GYG1: variants seen among roughly 807,000 people sequenced by gnomAD.
GYG1 encodes glycogenin 1, also known as glycogenin-1.
In GYG1, 44 loss-of-function variants were observed where a neutral mutation model predicts 41.9. The ratio of observed to expected loss-of-function variants is 1.05; its 90% CI spans 0.83 to 1.35. GYG1 has a LOEUF of 1.35. Ranked by LOEUF, GYG1 falls within the 40% of genes most tolerant of loss-of-function variation. The pLI, the probability that GYG1 is intolerant of heterozygous loss-of-function variation, is 0.00. For synonymous variants in GYG1, 141 were observed against 158.1 expected (o/e 0.89, Z 0.81); for missense variants, 429 against 418.9 (o/e 1.02, Z -0.21).
chr3:149,019,554 C>T (rs1467156625), intron 5 of GYG1, among the ~76,000 whole-genome samples: 2 of 152,184 alleles, frequency 1.3e-5, no homozygotes, highest in Non-Finnish European at 2.9e-5. Context: ...CAAGGGATTT[C>T]TTAAAATGAA....
chr3:149,002,343 G>A (rs1360828955), intron 4 of GYG1, among the ~76,000 whole-genome samples: 1 of 152,184 alleles, frequency 6.6e-6, no homozygotes, highest in Non-Finnish European at 1.5e-5. Flanking sequence ...GTCCAGACTA[G>A]GAGGACCTGC....
intron 3 of GYG1, 75 bp from the exon 4 acceptor site, chr3:148,996,667 T>A (rs1712810949): frequency 9.9e-6 from 14 of 1,416,292 alleles, no homozygotes; most frequent in Non-Finnish European, 1.4e-5. Flanking sequence ...TTGTGTTGGA[T>A]GACATAGGAA....
intron 2 of GYG1, among the ~76,000 whole-genome samples, 169 bp from the exon 3 acceptor site, chr3:148,996,133 A>T (rs1043261083): frequency 4.6e-5 from 7 of 152,266 alleles, no homozygotes; most frequent in African/African-American, 1.7e-4. Flanking sequence ...AAATAAACAC[A>T]GTTTGTCCTG....
In GYG1 at chr3:149,028,999, G is replaced by A. The variant is rs1044421746; in HGVS notation, c.*2066G>A. Reference sequence around the variant, plus strand: ...CCCAAAGTGCTGGGATTACAGGCGTGAGCCACTGCACCCAGCAAATTTTTA... The same window carrying A: ...CCCAAAGTGCTGGGATTACAGGCGTAAGCCACTGCACCCAGCAAATTTTTA... On this transcript the variant is annotated 3_prime_UTR_variant, in exon 8 of 8. Transcript: ENST00000345003. Among the ~76,000 whole-genome samples, 3 of 152,184 alleles carry A rather than the reference G, an allele frequency of 2.0e-5. No individual in the cohort carries two copies. Among genetic ancestry groups the A allele is most frequent in the East Asian group, 3.9e-4 (2 of 5,194 alleles).
intron 1 of GYG1, among the ~76,000 whole-genome samples, chr3:148,992,138 C>G (rs1264135023): frequency 6.6e-6 from 1 of 152,258 alleles, no homozygotes; most frequent in Non-Finnish European, 1.5e-5. Context: ...CGGCCCCGGC[C>G]GCCACGCTGA....
At chr3:149,026,327 T>G in intron 6 of GYG1, 125 bp from the exon 7 acceptor site, 1 of 765,848 alleles carries the variant, frequency 1.3e-6, no homozygotes, top group Non-Finnish European at 2.4e-6. Flanking sequence ...TTCTGAAATG[T>G]AGCCTGTTGG....
chr3:149,027,064 C>G lies in GYG1; in HGVS notation c.*131C>G. ...TCATTAAAACTTATCAGATGAGAGG[C>G]TTTTTTAGGATAAGAGGTGAGAACT... On this transcript the variant is annotated 3_prime_UTR_variant, in exon 8 of 8. Coordinates refer to ENST00000345003, the MANE Select transcript of GYG1 (RefSeq NM_004130.4). The G allele has an allele frequency of 1.1e-6, 1 of 934,342 alleles. No individual in the cohort carries two copies. Among genetic ancestry groups the G allele is most frequent in the South Asian group, 1.5e-5 (1 of 66,248 alleles). The allele number at this position is 934,342 out of a possible 1,614,324, so 57.9% of individuals were successfully genotyped here. A position where few individuals can be genotyped will look rare whatever the true frequency, so the allele number is the denominator to read the frequency against.
rs71617495 is a variant in GYG1, at chr3:149,022,498, C to CTTTTTTTTTTTTTT, written c.609-1550_609-1537dup. ...AACAGTACCTTTTTTCTTGTTTTGC[C>CTTTTTTTTTTTTTT]TTTTTTTTTTTTTTTTTTGAGATGG... On this transcript the variant is annotated intron_variant, in intron 5 of 7. Transcript: ENST00000345003. Among the ~76,000 whole-genome samples the CTTTTTTTTTTTTTT allele has an allele frequency of 6.1e-3, 422 of 69,554 alleles. 61 individuals are homozygous for CTTTTTTTTTTTTTT. The highest frequency in any genetic ancestry group is 0.022 in the African/African-American group (366 of 16,802). 45.6% of individuals were successfully genotyped at this position (69,554 alleles called of 152,430 possible). A position where few individuals can be genotyped will look rare whatever the true frequency, so the allele number is the denominator to read the frequency against.
At chr3:149,015,832 C>G (rs1434610323) in intron 5 of GYG1, among the ~76,000 whole-genome samples, 1 of 152,000 alleles carries the variant, frequency 6.6e-6, no homozygotes, top group Non-Finnish European at 1.5e-5. Flanking sequence ...GTCACCACAG[C>G]ATGTTTTTGT....
chr3:149,010,926 A>C (rs908449743), intron 5 of GYG1, among the ~76,000 whole-genome samples: 6 of 152,186 alleles, frequency 3.9e-5, no homozygotes, highest in African/African-American at 1.4e-4. Flanking sequence ...CGTAAGTCTT[A>C]CACCACGGTA....
intron 6 of GYG1, among the ~76,000 whole-genome samples, chr3:149,025,370 A>C (rs1714597384): frequency 6.6e-6 from 1 of 152,158 alleles, no homozygotes; most frequent in Non-Finnish European, 1.5e-5. Flanking sequence ...CTGATCTGAC[A>C]AGAGGCAGAG....
chr3:149,026,988 TTAGTATCTAGAGC>T lies in GYG1; in HGVS notation c.*57_*69del. 6.3e-7 allele frequency: 1 copy of T among 1,575,646 alleles called. No individual in the cohort carries two copies. The highest frequency in any genetic ancestry group is 2.2e-5 in the East Asian group (1 of 44,720). On this transcript the variant is annotated 3_prime_UTR_variant, in exon 8 of 8. Transcript: ENST00000345003. Reference sequence around the variant, plus strand: ...ACTTCACAAGCCTTGTTTCTGATACTTAGTATCTAGAGCTGGGTTGAGAAAAGTCTGTTACAGT... The same window carrying T: ...ACTTCACAAGCCTTGTTTCTGATACTTGGGTTGAGAAAAGTCTGTTACAGT...
At chr3:149,013,036 A>G (rs910994324) in intron 5 of GYG1, among the ~76,000 whole-genome samples, 4 of 88,828 alleles carry the variant, frequency 4.5e-5, no homozygotes, top group Admixed American at 3.1e-4. Flanking sequence ...TGTGTGTTTT[A>G]TAGAGACACG....
chr3:149,011,132 A>T (rs1220524849), intron 5 of GYG1, among the ~76,000 whole-genome samples: 1 of 152,146 alleles, frequency 6.6e-6, no homozygotes, highest in Non-Finnish European at 1.5e-5. Flanking sequence ...TCTTAAACAC[A>T]CCAACTGTGT....
At chr3:148,996,630 A>G in intron 3 of GYG1, 112 bp from the exon 4 acceptor site, 1 of 1,226,804 alleles carries the variant, frequency 8.2e-7, no homozygotes, top group Non-Finnish European at 1.2e-6. Flanking sequence ...GAGGAGGCCC[A>G]GGCTGCCTTA....
chr3:149,026,850 C>T lies in GYG1; in HGVS notation c.970C>T (p.Arg324Ter), dbSNP rs727502869. 11 of 1,613,770 alleles carry T rather than the reference C, an allele frequency of 6.8e-6. No individual in the cohort carries two copies. The highest frequency in any genetic ancestry group is 2.2e-5 in the East Asian group (1 of 44,892). The stretch of plus-strand genomic sequence containing the variant: ...TGTATCCTCGGAAGAACGGAAGGAA[C>T]GATGGGAACAGGGCCAGGCTGATTA... ...PFVSSEERKE[R>*]WEQGQADYMG... Residue 324 changes from arginine (R) to a stop codon, truncating the protein, a stop_gained, in exon 8 of 8, where the codon CGA becomes TGA. Transcript: ENST00000345003. LOFTEE classifies it high-confidence loss of function.
rs1468485978 is a variant in GYG1 at position 149,030,066 on chromosome 3, C to CAATT, written c.*3137_*3140dup. ...ATGTAACACTTGCATAGAAATGTCACAATTAATGAAGGATTTTATTTGAAG... is the reference window on the plus strand; with the variant it reads ...ATGTAACACTTGCATAGAAATGTCACAATTAATTAATGAAGGATTTTATTTGAAG... On this transcript the variant is annotated 3_prime_UTR_variant, in exon 8 of 8. Coordinates refer to ENST00000345003, the MANE Select transcript of GYG1 (RefSeq NM_004130.4). The CAATT allele has an allele frequency of 6.6e-6, 1 of 152,092 alleles. No homozygotes were observed. Among genetic ancestry groups the CAATT allele is most frequent in the African/African-American group, 2.4e-5 (1 of 41,418 alleles). The allele number at this position is 152,092 out of a possible 1,614,324, so 9.4% of individuals were successfully genotyped here.
intron 5 of GYG1, among the ~76,000 whole-genome samples, chr3:149,011,403 A>G (rs79260152): frequency 1.2e-3 from 188 of 152,356 alleles, no homozygotes; most frequent in Non-Finnish European, 2.3e-3. Flanking sequence ...TTTAGCAAGC[A>G]AAAAGTTGAC....
At chr3:148,994,116 A>G in intron 1 of GYG1, 26 bp from the exon 2 acceptor site, 2 of 1,604,188 alleles carry the variant, frequency 1.2e-6, no homozygotes, top group Non-Finnish European at 1.7e-6. Context: ...TACTGTAATG[A>G]GTGTTTTTTT....
Sources: allele counts gnomAD v4.1 joint callset (sites outside exome capture counted in the v4.1 genomes callset), GRCh38; gene constraint gnomAD v4.1.1; transcripts MANE v1.5; gene names NCBI Gene and HGNC (gene_info 2026-07-23, HGNC 2026-07-21).